IL1RAPL1: variants seen among roughly 807,000 people sequenced by gnomAD.
The protein encoded by IL1RAPL1 is interleukin-1 receptor accessory protein-like 1.
Under a neutral mutation model 48.4 loss-of-function variants are expected in IL1RAPL1, and 3 were observed. That is an observed-to-expected ratio of 0.06 (90% CI 0.03 to 0.16). IL1RAPL1 has a LOEUF of 0.16. Among genes scored for constraint, IL1RAPL1 ranks in the 10% least tolerant of loss-of-function variants. The pLI is 1.00. For missense variants in IL1RAPL1, 349 were observed against 530.6 expected (o/e 0.66, Z 3.36); for synonymous variants, 185 against 187.7 (o/e 0.99, Z 0.12).
At chrX:29,718,570 T>C (rs7887863) in intron 6 of IL1RAPL1, among the ~76,000 whole-genome samples, 15,841 of 98,847 alleles carry the variant, frequency 0.16, 2,675 homozygotes, top group African/African-American at 0.47. Context: ...CAAAACTGCA[T>C]GTTCCGCACA....
At chrX:29,230,495 T>C (rs1931169257) in intron 2 of IL1RAPL1, among the ~76,000 whole-genome samples, 1 of 16,923 alleles carries the variant, frequency 5.9e-5, no homozygotes, top group African/African-American at 2.6e-4. Flanking sequence ...ATCATTATGG[T>C]CCCTTTACCA....
chrX:28,816,198 A>G (rs759178352), intron 2 of IL1RAPL1, among the ~76,000 whole-genome samples: 80 of 108,861 alleles, frequency 7.3e-4, no homozygotes, highest in Non-Finnish European at 1.3e-3. Flanking sequence ...GACAAAAGCT[A>G]TTCTAACTGG....
Position 29,921,859 on chromosome X carries a change from T to C in IL1RAPL1, c.1057+1765T>C. 1.8e-5 allele frequency among the ~76,000 whole-genome samples: 2 copies of C among 112,226 alleles called. 1 individual carries two copies. On this transcript the variant is annotated intron_variant, in intron 8 of 10. Transcript: ENST00000378993. ...TGTTTGATGACAGTCACCATGAGTC[T>C]CTGAACCTTTACTTCACTAGATTCA...
intron 2 of IL1RAPL1, among the ~76,000 whole-genome samples, chrX:29,181,834 G>A (rs5943606): frequency 0.45 from 50,008 of 110,802 alleles, 8,616 homozygotes; most frequent in Non-Finnish European, 0.55. Flanking sequence ...GACCATTTAC[G>A]TTCATTTTTA....
At chrX:29,472,243 T>C (rs190004894) in intron 5 of IL1RAPL1, among the ~76,000 whole-genome samples, 2 of 111,802 alleles carry the variant, frequency 1.8e-5, no homozygotes, top group Admixed American at 1.9e-4. Context: ...CCTTGATATG[T>C]ATGAAAGTAC....
At chrX:29,890,454 G>C (rs969648486) in intron 6 of IL1RAPL1, among the ~76,000 whole-genome samples, 1 of 111,727 alleles carries the variant, frequency 9.0e-6, no homozygotes. Flanking sequence ...TTTTGAATAA[G>C]GCAATTCTTA....
intron 2 of IL1RAPL1, among the ~76,000 whole-genome samples, chrX:29,224,301 T>G (rs1931038471): frequency 9.0e-6 from 1 of 111,403 alleles, no homozygotes; most frequent in Non-Finnish European, 1.9e-5. Context: ...TTTTAGAGAC[T>G]TACTTTCTGA....
chrX:28,763,361 A>G (rs1224783993), intron 1 of IL1RAPL1, among the ~76,000 whole-genome samples: 1 of 112,070 alleles, frequency 8.9e-6, no homozygotes, highest in Admixed American at 9.5e-5. Flanking sequence ...TAATGTTATG[A>G]TAATTGTCGT....
intron 2 of IL1RAPL1, among the ~76,000 whole-genome samples, chrX:28,913,960 T>A (rs1923424498): frequency 9.0e-6 from 1 of 111,678 alleles, no homozygotes; most frequent in Non-Finnish European, 1.9e-5. Context: ...TGTTATCATT[T>A]TTCCTAATAC....
intron 3 of IL1RAPL1, among the ~76,000 whole-genome samples, chrX:29,311,749 TTTCCCAAATTTAGTTCA>T (rs761788638): frequency 8.9e-6 from 1 of 112,114 alleles, no homozygotes; most frequent in South Asian, 3.8e-4. Context: ...TAACCTAGCA[TTTCCCAAATTTAGTTCA>T]TCACGAAATT....
At chrX:28,914,488 CTTTT>C (rs1923438189) in intron 2 of IL1RAPL1, among the ~76,000 whole-genome samples, 2 of 111,905 alleles carry the variant, frequency 1.8e-5, no homozygotes, top group East Asian at 5.6e-4. Flanking sequence ...CTTATTACTT[CTTTT>C]GTCAAAGCGA....
intron 2 of IL1RAPL1, among the ~76,000 whole-genome samples, chrX:29,116,933 T>A (rs1042007442): frequency 9.0e-6 from 1 of 111,618 alleles, no homozygotes; most frequent in African/African-American, 3.2e-5. Flanking sequence ...CTGAGATAGA[T>A]ATTTCATATA....
At chrX:28,861,654 A>G (rs189481890) in intron 2 of IL1RAPL1, among the ~76,000 whole-genome samples, 50 of 111,273 alleles carry the variant, frequency 4.5e-4, no homozygotes, top group African/African-American at 1.5e-3. Context: ...CCCGATTTAC[A>G]GCATCCCTAA....
In IL1RAPL1 at chrX:28,984,193, C is replaced by A. The variant is rs1284480260; in HGVS notation, c.82+194768C>A. Among the ~76,000 whole-genome samples, 4 of 111,754 alleles carry A rather than the reference C, an allele frequency of 3.6e-5. No homozygotes were observed. In the East Asian group the frequency reaches 1.1e-3, roughly 31 times the overall value. On this transcript the variant is annotated intron_variant, in intron 2 of 10. Transcript: ENST00000378993. ...AGCACCAGAAATGTGGTTAGTGTAA[C>A]TGACCTGATGCTGAATTTTAAATTG...
intron 6 of IL1RAPL1, among the ~76,000 whole-genome samples, chrX:29,856,851 T>C (rs928871783): frequency 2.7e-5 from 3 of 112,172 alleles, no homozygotes; most frequent in Non-Finnish European, 5.6e-5. Context: ...TATATTGCAT[T>C]ACATGTATTA....
intron 2 of IL1RAPL1, among the ~76,000 whole-genome samples, chrX:29,063,400 A>C (rs1927383568): frequency 9.0e-6 from 1 of 110,709 alleles, no homozygotes; most frequent in African/African-American, 3.3e-5. Flanking sequence ...ACTGTTGTAG[A>C]CTCTTCTCTC....
At chrX:29,087,136 T>TC (rs550840605) in intron 2 of IL1RAPL1, among the ~76,000 whole-genome samples, 6 of 64,058 alleles carry the variant, frequency 9.4e-5, no homozygotes, top group African/African-American at 5.1e-4. Context: ...ATTTAAAAAT[T>TC]TTTTTTTTTT....
chrX:28,591,894 T>C (rs1933911284), intron 1 of IL1RAPL1, among the ~76,000 whole-genome samples: 1 of 111,908 alleles, frequency 8.9e-6, no homozygotes, highest in African/African-American at 3.2e-5. Flanking sequence ...GGAGATAATA[T>C]GTGTCTAAGT....
At chrX:28,973,269 C>T (rs775599788) in intron 2 of IL1RAPL1, among the ~76,000 whole-genome samples, 4 of 112,302 alleles carry the variant, frequency 3.6e-5, no homozygotes, top group Non-Finnish European at 7.5e-5. Context: ...CAAACATGCT[C>T]ATACATATTG....
Sources: gnomAD v4.1 joint callset for allele counts (sites outside exome capture counted in the v4.1 genomes callset) on GRCh38, gnomAD v4.1.1 for gene constraint, MANE v1.5 for transcripts, NCBI Gene and HGNC (gene_info 2026-07-23, HGNC 2026-07-21) for gene names.